The following TIAM2 variants were observed in gnomAD, a reference collection of about 807,000 sequenced individuals.
The protein encoded by TIAM2 is rho guanine nucleotide exchange factor TIAM2.
Under a neutral mutation model 152.9 loss-of-function variants are expected in TIAM2, and 80 were observed. The observed-to-expected ratio is 0.52, with a 90% CI of 0.44 to 0.63. The LOEUF (loss-of-function observed/expected upper bound fraction) is 0.63, where lower values mean the gene tolerates loss of function less well. Among genes scored for constraint, TIAM2 ranks in the 30% least tolerant of loss-of-function variants. The probability of loss-of-function intolerance (pLI) is 0.00; values close to 1 mark genes in which losing one functional copy is unlikely to be tolerated. For missense variants in TIAM2, 1,965 were observed against 2,120.1 expected (o/e 0.93, Z 1.44); for synonymous variants, 804 against 838.0 (o/e 0.96, Z 0.70).
intron 13 of TIAM2, 130 bp downstream of exon 13, chr6:155,182,448 G>A (rs3792965): frequency 0.072 from 57,471 of 793,714 alleles, 3,108 homozygotes; most frequent in African/African-American, 0.24. Flanking sequence ...GAAAGTAAAC[G>A]TAAGAGTTTA....
chr6:155,004,439 G>A (rs143406965), intron 1 of TIAM2, among the ~76,000 whole-genome samples: 1 of 152,102 alleles, frequency 6.6e-6, no homozygotes, highest in South Asian at 2.1e-4. Context: ...CACCCAGGCT[G>A]GAGTGCAGTG....
chr6:155,116,665 T>C (rs996049810), intron 2 of TIAM2, among the ~76,000 whole-genome samples: 1 of 152,200 alleles, frequency 6.6e-6, no homozygotes, highest in African/African-American at 2.4e-5. Context: ...TTTACATCCA[T>C]GCAGGTTTCC....
intron 4 of TIAM2, 136 bp from the exon 5 acceptor site, chr6:155,137,041 G>A (rs568237144): frequency 3.3e-6 from 3 of 916,674 alleles, no homozygotes; most frequent in South Asian, 3.7e-5. Flanking sequence ...GATGGTTAAA[G>A]ATGTATTTTT....
Position 155,251,927 on chromosome 6 carries a change from C to T in TIAM2, c.4061-18C>T, listed in dbSNP as rs751738804. The T allele has an allele frequency of 3.8e-6, 6 of 1,587,238 alleles. No individual in the cohort carries two copies. Among genetic ancestry groups the T allele is most frequent in the Admixed American group, 1.7e-5 (1 of 57,268 alleles). On this transcript the variant is annotated intron_variant, in intron 22 of 26. Transcript: ENST00000682666. ...TTTGCATAAAATAAAGACTTTCTTT[C>T]TCTTTTCCTTTCTTTAGTTTTTAAG...
chr6:155,234,113 G>A (rs1477508903), intron 15 of TIAM2, among the ~76,000 whole-genome samples: 1 of 151,682 alleles, frequency 6.6e-6, no homozygotes, highest in Non-Finnish European at 1.5e-5. Flanking sequence ...TTGGTTTCAT[G>A]CTCTTTTATG....
intron 9 of TIAM2, 130 bp from the exon 10 acceptor site, chr6:155,176,686 A>G (rs1014885965): frequency 1.1e-6 from 1 of 920,542 alleles, no homozygotes; most frequent in Middle Eastern, 3.3e-4. Context: ...GAGGGCTGTG[A>G]GAAGCCAGTG....
intron 2 of TIAM2, among the ~76,000 whole-genome samples, chr6:155,103,444 C>T (rs999353696): frequency 7.9e-5 from 12 of 152,082 alleles, no homozygotes; most frequent in African/African-American, 2.9e-4. Flanking sequence ...GAATTAGTGG[C>T]CGGGCGCGGT....
At chr6:155,173,717 C>A (rs940966951) in intron 9 of TIAM2, among the ~76,000 whole-genome samples, 1 of 152,198 alleles carries the variant, frequency 6.6e-6, no homozygotes, top group Non-Finnish European at 1.5e-5. Context: ...GAAGACAAAG[C>A]CTCTGCTGGT....
In TIAM2 at chr6:155,073,749, C is replaced by T. The variant is rs190565435; in HGVS notation, c.-208-16540C>T. On this transcript the variant is annotated intron_variant, in intron 1 of 26. Transcript: ENST00000682666. ...CTTGCTTATAATTAAAAGTCTATTACGATTTCTACTTCAAACGTAACATTT... is the reference window on the plus strand; with the variant it reads ...CTTGCTTATAATTAAAAGTCTATTATGATTTCTACTTCAAACGTAACATTT... 3.1e-3 allele frequency among the ~76,000 whole-genome samples: 466 copies of T among 152,318 alleles called. 3 individuals carry two copies. The highest frequency in any genetic ancestry group is 0.011 in the African/African-American group (437 of 41,560).
At chr6:155,093,795 GC>G (rs954047323) in intron 2 of TIAM2, among the ~76,000 whole-genome samples, 1 of 152,174 alleles carries the variant, frequency 6.6e-6, no homozygotes, top group African/African-American at 2.4e-5. Flanking sequence ...TATGTCAGTG[GC>G]CCCCTTTCTA....
At chr6:155,216,891 C>T in intron 15 of TIAM2, 1 of 1,174,902 alleles carries the variant, frequency 8.5e-7, no homozygotes, top group Non-Finnish European at 1.1e-6. Context: ...ACCGGTGCTG[C>T]TGTGGAGGAA....
intron 9 of TIAM2, among the ~76,000 whole-genome samples, chr6:155,173,169 T>TTGTGTGTG (rs60356205): frequency 4.8e-5 from 7 of 146,748 alleles, no homozygotes; most frequent in African/African-American, 1.5e-4. Flanking sequence ...TTTGTGAGGG[T>TTGTGTGTG]TGTGTGTGTG....
chr6:155,126,948 G>T (rs775200898), intron 2 of TIAM2, among the ~76,000 whole-genome samples: 1 of 152,046 alleles, frequency 6.6e-6, no homozygotes, highest in Non-Finnish European at 1.5e-5. Context: ...CTCCCTTTCA[G>T]AAGCCCTGCC....
chr6:155,089,005 A>G (rs1011703891), intron 1 of TIAM2, among the ~76,000 whole-genome samples: 1 of 152,144 alleles, frequency 6.6e-6, no homozygotes, highest in Non-Finnish European at 1.5e-5. Context: ...TGTTTACATC[A>G]CAGAGTTAAT....
chr6:155,089,219 G>C (rs1043797623), intron 1 of TIAM2, among the ~76,000 whole-genome samples: 1 of 149,960 alleles, frequency 6.7e-6, no homozygotes, highest in East Asian at 2.0e-4. Flanking sequence ...GTTTTTTTTC[G>C]GGGGGGTGGG....
Position 155,176,840 on chromosome 6 carries a change from G to T in TIAM2, c.2386G>T (p.Gly796Cys). 6.2e-7 allele frequency: 1 copy of T among 1,612,800 alleles called. No homozygotes were observed. The highest frequency in any genetic ancestry group is 1.1e-5 in the South Asian group (1 of 90,892). Residue 796 changes from glycine (G) to cysteine (C), a missense_variant, in exon 10 of 27, where the codon GGT becomes TGT. Physicochemically the swap from Gly to Cys is radical, Grantham distance 159. Around this residue, in one of 3 missense-constraint regions of TIAM2, gnomAD observed 1,025 missense variants for 1,119.4 expected, o/e 0.92. Coordinates refer to ENST00000682666, the MANE Select transcript of TIAM2 (RefSeq NM_012454.4). ...GGTCGATGAACTTCTGCATATATAT[G>T]GTTCAACAGTAGACGGTGTTCCCCG... ...TQVDELLHIY[G>C]STVDGVPRDN...
At position 155,256,602 on chromosome 6, in the gene TIAM2, C is replaced by T; in HGVS notation, c.4587C>T (p.Ser1529=). Residue 1529 remains serine, a synonymous_variant, in exon 27 of 27, where the codon AGC becomes AGT. Transcript: ENST00000682666. ...DEGSLSSGTQ[S]SGCPTAEGRQ... The stretch of plus-strand genomic sequence containing the variant: ...GCAGCTTGAGCAGCGGCACCCAGAG[C>T]AGCGGCTGCCCCACGGCTGAGGGCA... 1 of 1,614,186 alleles carries T rather than the reference C, an allele frequency of 6.2e-7. No individual in the cohort carries two copies. Among genetic ancestry groups the T allele is most frequent in the Non-Finnish European group, 8.5e-7 (1 of 1,180,032 alleles).
In TIAM2 at chr6:155,257,189, G is replaced by GAAAA; in HGVS notation, c.*68_*69insAAAA. 50 of 534,840 alleles carry GAAAA rather than the reference G, an allele frequency of 9.3e-5. No homozygotes were observed. The highest frequency in any genetic ancestry group is 3.1e-4 in the South Asian group (9 of 29,174). 33.1% of individuals were successfully genotyped at this position (534,840 alleles called of 1,614,324 possible). A position where few individuals can be genotyped will look rare whatever the true frequency, so the allele number is the denominator to read the frequency against. On this transcript the variant is annotated 3_prime_UTR_variant, in exon 27 of 27. Coordinates refer to ENST00000682666, the MANE Select transcript of TIAM2 (RefSeq NM_012454.4). Reference sequence around the variant, plus strand: ...TTAAACTGGTGGTAAAGTGGAAATTGCAAAAAAAAAAAAAAAAAAAAACTG... The same window carrying GAAAA: ...TTAAACTGGTGGTAAAGTGGAAATTGAAAACAAAAAAAAAAAAAAAAAAAAACTG...
intron 1 of TIAM2, among the ~76,000 whole-genome samples, chr6:155,006,505 C>G (rs1262210207): frequency 6.6e-6 from 1 of 151,208 alleles, no homozygotes; most frequent in Non-Finnish European, 1.5e-5. Context: ...TGTCTCTACT[C>G]AAAATACAAA....
Sources: gnomAD v4.1 joint callset for allele counts (sites outside exome capture counted in the v4.1 genomes callset) on GRCh38, gnomAD v4.1.1 for gene constraint, gnomAD v4.1.1 regional missense constraint, MANE v1.5 for transcripts, NCBI Gene and HGNC (gene_info 2026-07-23, HGNC 2026-07-21) for gene names.